NR2C2: variants seen among roughly 807,000 people sequenced by gnomAD.
The protein encoded by NR2C2 is Nuclear hormone receptor TR4.
In NR2C2, 6 loss-of-function variants were observed where a neutral mutation model predicts 62.9. The ratio of observed to expected loss-of-function variants is 0.10; its 90% confidence interval spans 0.05 to 0.19. The LOEUF (loss-of-function observed/expected upper bound fraction) is 0.19. NR2C2 is among the 10% of genes least tolerant of loss of function. The probability of loss-of-function intolerance (pLI) is 1.00; values close to 1 mark genes in which losing one functional copy is unlikely to be tolerated. For missense variants in NR2C2, 479 were observed against 762.7 expected (o/e 0.63, Z 4.38); for synonymous variants, 272 against 273.8 (o/e 0.99, Z 0.07).
At position 15,044,316 on chromosome 3, in the gene NR2C2, C is replaced by T. The variant is rs2042375876; in HGVS notation, c.*1308C>T. 1 of 152,118 alleles carries T rather than the reference C, an allele frequency of 6.6e-6. No individual in the cohort carries two copies. The highest frequency in any genetic ancestry group is 6.5e-5 in the Admixed American group (1 of 15,270). 9.4% of individuals were successfully genotyped at this position (152,118 alleles called of 1,614,324 possible). ...ACCAGCACACTGTGCACTTTGGTTCCCCCAGGTGTGTGCCAGCCGACCACC... is the reference window on the plus strand; with the variant it reads ...ACCAGCACACTGTGCACTTTGGTTCTCCCAGGTGTGTGCCAGCCGACCACC... On this transcript the variant is annotated 3_prime_UTR_variant, in exon 14 of 14. Coordinates refer to ENST00000425241, the MANE Select transcript of NR2C2 (RefSeq NM_001291694.2).
chr3:14,955,057 C>A (rs2039482542), intron 1 of NR2C2, among the ~76,000 whole-genome samples: 1 of 152,124 alleles, frequency 6.6e-6, no homozygotes, highest in Non-Finnish European at 1.5e-5. Flanking sequence ...TCTTGAACTC[C>A]TGAGCTCAGG....
chr3:15,031,630 C>T (rs2041982970), intron 9 of NR2C2, among the ~76,000 whole-genome samples: 1 of 152,194 alleles, frequency 6.6e-6, no homozygotes, highest in African/African-American at 2.4e-5. Flanking sequence ...ACCTCAGCCT[C>T]CCAAAGTGCT....
At chr3:15,021,898 A>G (rs1196124639) in intron 5 of NR2C2, among the ~76,000 whole-genome samples, 1 of 152,192 alleles carries the variant, frequency 6.6e-6, no homozygotes, top group Non-Finnish European at 1.5e-5. Flanking sequence ...TATCAACCTA[A>G]TTTCTGCCTG....
intron 1 of NR2C2, among the ~76,000 whole-genome samples, chr3:14,955,604 C>T (rs1229588437): frequency 1.3e-5 from 2 of 152,132 alleles, no homozygotes; most frequent in African/African-American, 4.8e-5. Context: ...TGCTGAGTCT[C>T]AGTTTTTTCC....
At position 14,984,553 on chromosome 3, in the gene NR2C2, CAT is replaced by C. The variant is rs1339964699; in HGVS notation, c.-39-19322_-39-19321del. 1.9e-4 allele frequency among the ~76,000 whole-genome samples: 29 copies of C among 152,080 alleles called. 4 individuals carry two copies. The highest frequency in any genetic ancestry group is 1.4e-3 in the East Asian group (7 of 5,158). On this transcript the variant is annotated intron_variant, in intron 1 of 13. Transcript: ENST00000425241. ...TTCTAGAATTTTCTATTAAAGAAATCATGTGTCCACTTTTTTTGTCTTGCTTC... is the reference window on the plus strand; with the variant it reads ...TTCTAGAATTTTCTATTAAAGAAATCGTGTCCACTTTTTTTGTCTTGCTTC...
chr3:14,959,779 A>G (rs571879903), intron 1 of NR2C2: 4 of 152,352 alleles, frequency 2.6e-5, no homozygotes, highest in Non-Finnish European at 2.9e-5. Flanking sequence ...GACTTACGCT[A>G]ACACTGCAGT....
chr3:14,970,391 G>A, intron 1 of NR2C2, among the ~76,000 whole-genome samples: 1 of 151,914 alleles, frequency 6.6e-6, no homozygotes, highest in East Asian at 1.9e-4. Flanking sequence ...ATTAAGTACT[G>A]GTCACATTGT....
At chr3:15,004,869 G>A (rs74861558) in intron 2 of NR2C2, among the ~76,000 whole-genome samples, 11 of 152,148 alleles carry the variant, frequency 7.2e-5, no homozygotes, top group African/African-American at 1.2e-4. Flanking sequence ...GTCGAGAAGC[G>A]ATGGAGAATT....
intron 2 of NR2C2, chr3:15,004,626 A>G: frequency 1.9e-6 from 3 of 1,611,384 alleles, no homozygotes; most frequent in Non-Finnish European, 2.5e-6. Flanking sequence ...AGGTGTATCA[A>G]GCTTGAAGGC....
intron 8 of NR2C2, 88 bp from the exon 9 acceptor site, chr3:15,030,187 C>T: frequency 2.8e-6 from 3 of 1,086,148 alleles, no homozygotes; most frequent in Non-Finnish European, 4.0e-6. Flanking sequence ...TCTTTTCCCA[C>T]TGTAGTTTTT....
At chr3:15,027,994 G>A (rs1347911309) in intron 7 of NR2C2, among the ~76,000 whole-genome samples, 2 of 151,952 alleles carry the variant, frequency 1.3e-5, no homozygotes, top group Non-Finnish European at 2.9e-5. Flanking sequence ...AAGTACCTGG[G>A]GTTACAGGCA....
At chr3:15,018,277 A>G (rs62240388) in intron 4 of NR2C2, among the ~76,000 whole-genome samples, 8,938 of 152,212 alleles carry the variant, frequency 0.059, 361 homozygotes, top group Middle Eastern at 0.099. Flanking sequence ...GATTACAGGC[A>G]TGAGCCACCT....
At chr3:15,008,151 A>G (rs1312335653) in intron 2 of NR2C2, among the ~76,000 whole-genome samples, 2 of 152,142 alleles carry the variant, frequency 1.3e-5, no homozygotes, top group Non-Finnish European at 2.9e-5. Context: ...CAAGAGAACT[A>G]TAAATTTGAT....
At chr3:14,992,717 T>C (rs780303294) in intron 1 of NR2C2, among the ~76,000 whole-genome samples, 25 of 152,228 alleles carry the variant, frequency 1.6e-4, no homozygotes, top group Non-Finnish European at 3.5e-4. Context: ...TTGTGTGTTC[T>C]GCAAGCGTGG....
chr3:14,998,659 T>C (rs182690102), intron 1 of NR2C2, among the ~76,000 whole-genome samples: 112 of 152,316 alleles, frequency 7.4e-4, no homozygotes, highest in South Asian at 1.7e-3. Flanking sequence ...ACTTTTTTTT[T>C]CCCCCATTTT....
chr3:14,967,383 C>T (rs530983893), intron 1 of NR2C2, among the ~76,000 whole-genome samples: 3 of 151,972 alleles, frequency 2.0e-5, no homozygotes, highest in African/African-American at 7.2e-5. Context: ...CAGTGAGATA[C>T]TATTTCACAT....
intron 4 of NR2C2, among the ~76,000 whole-genome samples, chr3:15,017,061 C>T (rs967534871): frequency 5.9e-5 from 9 of 152,184 alleles, no homozygotes; most frequent in Admixed American, 4.6e-4. Flanking sequence ...GTTCCACTTT[C>T]TTCTGTGGTC....
At chr3:15,041,870 C>CAA (rs1409756049) in intron 13 of NR2C2, among the ~76,000 whole-genome samples, 1 of 152,022 alleles carries the variant, frequency 6.6e-6, no homozygotes, top group Non-Finnish European at 1.5e-5. Context: ...AAAACAAAAA[C>CAA]AAAAAAGCAC....
At chr3:15,005,223 G>T (rs1421168469) in intron 2 of NR2C2, among the ~76,000 whole-genome samples, 5 of 151,822 alleles carry the variant, frequency 3.3e-5, no homozygotes, top group Admixed American at 3.3e-4. Context: ...GTCTTGCTCT[G>T]TCACCCAGGC....
Sources: gnomAD v4.1 joint callset for allele counts (sites outside exome capture counted in the v4.1 genomes callset) on GRCh38, gnomAD v4.1.1 for gene constraint, MANE v1.5 for transcripts, NCBI Gene and HGNC (gene_info 2026-07-23, HGNC 2026-07-21) for gene names.